TM4SF19: variants seen among roughly 807,000 people sequenced by gnomAD.
TM4SF19 encodes the protein transmembrane 4 L6 family member 19.
A neutral mutation model predicts 21.8 loss-of-function variants in TM4SF19; 17 were observed. That is an observed-to-expected ratio of 0.78 (90% CI 0.53 to 1.17). The LOEUF (loss-of-function observed/expected upper bound fraction) is 1.17, where lower values mean the gene tolerates loss of function less well. Ranked by LOEUF, TM4SF19 falls within the 50% of genes most tolerant of loss-of-function variation. The probability of loss-of-function intolerance (pLI) is 0.00; values close to 1 mark genes in which losing one functional copy is unlikely to be tolerated. For missense variants in TM4SF19, 216 were observed against 252.1 expected (o/e 0.86, Z 0.97); for synonymous variants, 107 against 106.7 (o/e 1.00, Z -0.02).
At chr3:196,331,428 C>T (rs1727501613) in intron 1 of TM4SF19, among the ~76,000 whole-genome samples, 1 of 151,584 alleles carries the variant, frequency 6.6e-6, no homozygotes, top group African/African-American at 2.4e-5. Context: ...AGTTACACGT[C>T]TGTCTCCCCT....
chr3:196,329,725 A>G lies in TM4SF19; in HGVS notation c.-1-2134T>C, dbSNP rs1394699969. Among the ~76,000 whole-genome samples, 4 of 125,462 alleles carry G rather than the reference A, an allele frequency of 3.2e-5. 1 individual carries two copies. The highest frequency in any genetic ancestry group is 5.2e-5 in the Non-Finnish European group (3 of 57,232). 82.3% of individuals were successfully genotyped at this position (125,462 alleles called of 152,430 possible). ...CCAGACACTAAAGGACAAATATTGTATGATTCCACTTATATGAAATATTCA... is the reference window on the plus strand; with the variant it reads ...CCAGACACTAAAGGACAAATATTGTGTGATTCCACTTATATGAAATATTCA... On this transcript the variant is annotated intron_variant, in intron 1 of 4. Coordinates refer to ENST00000273695, the MANE Select transcript of TM4SF19 (RefSeq NM_138461.4).
At chr3:196,332,460 AAAGG>A (rs1297800935) in intron 1 of TM4SF19, among the ~76,000 whole-genome samples, 2 of 149,784 alleles carry the variant, frequency 1.3e-5, no homozygotes, top group Admixed American at 1.3e-4. Context: ...GGAAGAAAGG[AAAGG>A]AAGGAAGGAA....
intron 1 of TM4SF19, among the ~76,000 whole-genome samples, chr3:196,331,576 TCAG>T (rs1422441103): frequency 5.8e-4 from 88 of 150,540 alleles, no homozygotes; most frequent in Admixed American, 1.1e-3. Flanking sequence ...TCACCTGAGG[TCAG>T]GAGTTCAAGA....
At chr3:196,332,063 G>T (rs1258547618) in intron 1 of TM4SF19, among the ~76,000 whole-genome samples, 1 of 152,066 alleles carries the variant, frequency 6.6e-6, no homozygotes, top group Non-Finnish European at 1.5e-5. Flanking sequence ...GAGGTCAGGA[G>T]TTTCCGACCA....
chr3:196,327,574 C>A lies in TM4SF19; in HGVS notation c.17G>T (p.Cys6Phe), dbSNP rs1375597127. MVSSP[C>F]TQASSRTCSR... ...GCAAGTCCGTGAGCTTGCCTGCGTG[C>A]AGGGAGAGGACACCATCCTGGAACA... The change falls in exon 2 of 5, where the codon TGC (cysteine) becomes TTC (phenylalanine). Residue 6 changes from cysteine (C) to phenylalanine (F), a missense_variant. Transcript: ENST00000273695. 1.6e-5 allele frequency: 26 copies of A among 1,613,360 alleles called. No individual in the cohort carries two copies. The Admixed American group carries it at 4.2e-4, about 26-fold the overall frequency.
intron 4 of TM4SF19, 32 bp downstream of exon 4, chr3:196,324,239 A>G: frequency 6.2e-7 from 1 of 1,608,606 alleles, no homozygotes; most frequent in Non-Finnish European, 8.5e-7. Flanking sequence ...TCTCTGTCTG[A>G]AAAGACCAAG....
At position 196,324,541 on chromosome 3, in the gene TM4SF19, G is replaced by A. The variant is rs1727209508; in HGVS notation, c.280-101C>T. 4.0e-6 allele frequency: 5 copies of A among 1,263,042 alleles called. No individual in the cohort carries two copies. The East Asian group carries it at 1.2e-4, about 31-fold the overall frequency. 78.2% of individuals were successfully genotyped at this position (1,263,042 alleles called of 1,614,324 possible). A position where few individuals can be genotyped will look rare whatever the true frequency, so the allele number is the denominator to read the frequency against. On this transcript the variant is annotated intron_variant, in intron 3 of 4. Coordinates refer to ENST00000273695, the MANE Select transcript of TM4SF19 (RefSeq NM_138461.4). ...GCTAAGACGGGGTCGCAGCTGGGGA[G>A]TCTGTGGGGCGGTCTGCACAGGTCT...
At chr3:196,326,531 G>C (rs1727298869) in intron 3 of TM4SF19, among the ~76,000 whole-genome samples, 1 of 152,108 alleles carries the variant, frequency 6.6e-6, no homozygotes, top group African/African-American at 2.4e-5. Flanking sequence ...GGTTAGATTA[G>C]AATCTAGTGA....
intron 2 of TM4SF19, 104 bp from the exon 3 acceptor site, chr3:196,327,136 G>A: frequency 1.0e-6 from 1 of 955,702 alleles, no homozygotes; most frequent in Non-Finnish European, 1.6e-6. Context: ...CATGAACGCA[G>A]TCCTGTTGAC....
chr3:196,327,631 G>T (rs920122958), intron 1 of TM4SF19, 40 bp from the exon 2 acceptor site: 11 of 1,552,762 alleles, frequency 7.1e-6, no homozygotes, highest in Admixed American at 3.4e-5. Flanking sequence ...GCTCTGCTGT[G>T]GGGGGATGGG....
intron 4 of TM4SF19, 47 bp downstream of exon 4, chr3:196,324,224 C>CTT (rs1727192114): frequency 6.3e-7 from 1 of 1,596,548 alleles, no homozygotes; most frequent in African/African-American, 1.3e-5. Context: ...TTGTCTCTCT[C>CTT]TCTCTCTCTG....
chr3:196,327,562 C>T lies in TM4SF19; in HGVS notation c.29G>A (p.Ser10Asn). 1.9e-6 allele frequency: 3 copies of T among 1,613,684 alleles called. No individual in the cohort carries two copies. The highest frequency in any genetic ancestry group is 2.5e-6 in the Non-Finnish European group (3 of 1,179,894). The part of the protein sequence containing the change: MVSSPCTQA[S>N]SRTCSRILGL... ...CAGGATACGGGAGCAAGTCCGTGAG[C>T]TTGCCTGCGTGCAGGGAGAGGACAC... The change falls in exon 2 of 5, where the codon AGC becomes AAC. Residue 10 changes from serine to asparagine, a missense_variant. Ser to Asn is a conservative substitution (Grantham distance 46). Coordinates refer to ENST00000273695, the MANE Select transcript of TM4SF19 (RefSeq NM_138461.4).
At chr3:196,327,177 G>A (rs1373755573) in intron 2 of TM4SF19, 145 bp from the exon 3 acceptor site, 31 of 791,372 alleles carry the variant, frequency 3.9e-5, no homozygotes, top group Non-Finnish European at 5.8e-5. Context: ...TTTGTATGAC[G>A]AGCCTGATCT....
At position 196,324,263 on chromosome 3, in the gene TM4SF19, C is replaced by T. The variant is rs780328346; in HGVS notation, c.449+8G>A. The T allele has an allele frequency of 6.2e-7, 1 of 1,613,544 alleles. No individual in the cohort carries two copies. Among genetic ancestry groups the T allele is most frequent in the Non-Finnish European group, 8.5e-7 (1 of 1,179,688 alleles). On this transcript the variant is annotated splice_region_variant and intron_variant, in intron 4 of 4. Transcript: ENST00000273695. ...GAAAAGACCAAGCCCAAGCCTCCAC[C>T]CATTTACCTACTATGCAGGTCTTTG...
chr3:196,336,098 CA>C (rs1727746706), intron 1 of TM4SF19, among the ~76,000 whole-genome samples: 1 of 152,066 alleles, frequency 6.6e-6, no homozygotes, highest in Admixed American at 6.6e-5. Context: ...AAAACGTTCC[CA>C]TCAGAAAAGT....
rs1423312117 is a variant in TM4SF19, at chr3:196,327,047, A to G, written c.202-15T>C. On this transcript the variant is annotated splice_polypyrimidine_tract_variant and intron_variant, in intron 2 of 4. Transcript: ENST00000273695. ...GCAGTGAGTACCTGCAGGAGAGAGA[A>G]GAATGTTGAGATGGGGAAATCGACT... 2 of 1,593,128 alleles carry G rather than the reference A, an allele frequency of 1.3e-6. No homozygotes were observed. Among genetic ancestry groups the G allele is most frequent in the Non-Finnish European group, 1.7e-6 (2 of 1,162,022 alleles).
Position 196,324,440 on chromosome 3 carries a change from C to A in TM4SF19, c.280G>T (p.Val94Leu). 2 of 1,613,908 alleles carry A rather than the reference C, an allele frequency of 1.2e-6. No homozygotes were observed. Among genetic ancestry groups the A allele is most frequent in the Non-Finnish European group, 1.7e-6 (2 of 1,179,964 alleles). ...CFSKSGLCRS[V>L]LTALLSGGLA... ...CCACCTGACAACAGAGCAGTAAGCA[C>A]CTGCGGAGGGAGGAGAAACACTGAG... Residue 94 changes from valine to leucine, a missense_variant and splice_region_variant, in exon 4 of 5, where the codon GTG becomes TTG. Coordinates refer to ENST00000273695, the MANE Select transcript of TM4SF19 (RefSeq NM_138461.4).
chr3:196,326,470 TTAATA>T (rs1727296617), intron 3 of TM4SF19, among the ~76,000 whole-genome samples: 1 of 152,226 alleles, frequency 6.6e-6, no homozygotes, highest in Middle Eastern at 3.4e-3. Flanking sequence ...GCTGCTGTAA[TTAATA>T]AGGTAGAAAT....
chr3:196,323,607 T>G lies in TM4SF19; in HGVS notation c.*210A>C, dbSNP rs1727154131. 1.1e-6 allele frequency: 1 copy of G among 909,038 alleles called. No homozygotes were observed. The highest frequency in any genetic ancestry group is 2.7e-5 in the East Asian group (1 of 37,698). 56.3% of individuals were successfully genotyped at this position (909,038 alleles called of 1,614,324 possible). A position where few individuals can be genotyped will look rare whatever the true frequency, so the allele number is the denominator to read the frequency against. The stretch of plus-strand genomic sequence containing the variant: ...TAAACAATTATAATAACTTAGTTAT[T>G]TATCCTATCCATGGATCACCTGGAA... On this transcript the variant is annotated 3_prime_UTR_variant, in exon 5 of 5. Coordinates refer to ENST00000273695, the MANE Select transcript of TM4SF19 (RefSeq NM_138461.4).
Sources: allele counts gnomAD v4.1 joint callset (sites outside exome capture counted in the v4.1 genomes callset), GRCh38; gene constraint gnomAD v4.1.1; transcripts MANE v1.5; gene names NCBI Gene and HGNC (gene_info 2026-07-23, HGNC 2026-07-21).